ARHGEF37: variants seen among roughly 807,000 people sequenced by gnomAD.
The protein encoded by ARHGEF37 is Rho guanine nucleotide exchange factor (GEF) 37.
ARHGEF37 carries 55 observed loss-of-function variants against 71.1 expected under a neutral mutation model. That is an observed-to-expected ratio of 0.77 (90% CI 0.62 to 0.97). The LOEUF is 0.97. Among genes scored for constraint, ARHGEF37 ranks in the 50% least tolerant of loss-of-function variants. The pLI is 0.00. For missense variants in ARHGEF37, 765 were observed against 836.8 expected, an observed-to-expected ratio of 0.91 and a Z score of 1.06; for synonymous variants, 327 against 350.6, an observed-to-expected ratio of 0.93 and a Z score of 0.75.
At chr5:149,605,168 A>C (rs1160996010) in intron 3 of ARHGEF37, among the ~76,000 whole-genome samples, 1 of 150,872 alleles carries the variant, frequency 6.6e-6, no homozygotes, top group African/African-American at 2.4e-5. Context: ...TGGAGGTGGC[A>C]GTGAGCCGAG....
rs142802785 is a variant in ARHGEF37 at position 149,601,048 on chromosome 5, C to T, written c.187-60C>T. 165 of 1,571,636 alleles carry T rather than the reference C, an allele frequency of 1.0e-4. 1 individual carries two copies. In the East Asian group the frequency reaches 3.7e-3, roughly 35 times the overall value. ...GAGTGTTCTGTCCTACTCTCAAAAG[C>T]CTGCAAATACATTCTATGGAACTCC... On this transcript the variant is annotated intron_variant, in intron 2 of 12. Transcript: ENST00000333677.
chr5:149,582,268 A>G (rs2113264127), intron 1 of ARHGEF37, among the ~76,000 whole-genome samples: 1 of 152,356 alleles, frequency 6.6e-6, no homozygotes, highest in South Asian at 2.1e-4. Context: ...AAGGGTTCAC[A>G]CAAAGCCTTG....
At chr5:149,625,180 C>T (rs113246631) in intron 10 of ARHGEF37, among the ~76,000 whole-genome samples, 16,395 of 152,124 alleles carry the variant, frequency 0.11, 1,145 homozygotes, top group African/African-American at 0.19. Flanking sequence ...GTTGGAATTA[C>T]AGGCGTGAGC....
At chr5:149,582,418 A>C (rs746543287) in intron 1 of ARHGEF37, among the ~76,000 whole-genome samples, 1 of 152,192 alleles carries the variant, frequency 6.6e-6, no homozygotes, top group Non-Finnish European at 1.5e-5. Context: ...GTGCGTCCAG[A>C]CAGCCAGCTG....
In ARHGEF37 at chr5:149,624,160, C is replaced by T; in HGVS notation, c.1464+20C>T. ...ACACAAGTAAGCATCCTTCCTCCACCCCAAAGACTGTCCAGTTCTTCACTG... is the reference window on the plus strand; with the variant it reads ...ACACAAGTAAGCATCCTTCCTCCACTCCAAAGACTGTCCAGTTCTTCACTG... On this transcript the variant is annotated intron_variant, in intron 10 of 12. Coordinates refer to ENST00000333677, the MANE Select transcript of ARHGEF37 (RefSeq NM_001001669.3). 1.3e-6 allele frequency: 2 copies of T among 1,594,174 alleles called. No homozygotes were observed. The highest frequency in any genetic ancestry group is 1.7e-6 in the Non-Finnish European group (2 of 1,164,176).
chr5:149,591,271 A>G (rs1178354633), intron 1 of ARHGEF37, among the ~76,000 whole-genome samples: 1 of 151,696 alleles, frequency 6.6e-6, no homozygotes, highest in Non-Finnish European at 1.5e-5. Context: ...ATACTTCTGC[A>G]GCAAGCTATT....
At chr5:149,557,415 G>T (rs1762769879) in intron 1 of ARHGEF37, among the ~76,000 whole-genome samples, 1 of 152,214 alleles carries the variant, frequency 6.6e-6, no homozygotes, top group Non-Finnish European at 1.5e-5. Context: ...TCCTGGAACT[G>T]CAGTTAAGCC....
intron 1 of ARHGEF37, among the ~76,000 whole-genome samples, chr5:149,586,404 A>G (rs1353147091): frequency 6.6e-6 from 1 of 152,168 alleles, no homozygotes; most frequent in Non-Finnish European, 1.5e-5. Flanking sequence ...GACTACAGGC[A>G]TGCACCACCA....
chr5:149,578,867 G>GA (rs1174611411), upstream of ARHGEF37, among the ~76,000 whole-genome samples: 7 of 152,262 alleles, frequency 4.6e-5, no homozygotes, highest in East Asian at 1.2e-3. Flanking sequence ...TCAACAAGTA[G>GA]ATTGCCGCTC....
chr5:149,626,700 G>A (rs1752694702), intron 10 of ARHGEF37, among the ~76,000 whole-genome samples: 1 of 152,200 alleles, frequency 6.6e-6, no homozygotes, highest in South Asian at 2.1e-4. Flanking sequence ...ATAAGGTCTG[G>A]TGCCCACATG....
At chr5:149,590,934 C>T (rs6859243) in intron 1 of ARHGEF37, among the ~76,000 whole-genome samples, 1 of 152,124 alleles carries the variant, frequency 6.6e-6, no homozygotes, top group East Asian at 1.9e-4. Context: ...TAATAAAATA[C>T]AATAGAACAA....
chr5:149,610,863 A>G (rs1301063708), intron 4 of ARHGEF37, among the ~76,000 whole-genome samples: 1 of 152,248 alleles, frequency 6.6e-6, no homozygotes, highest in African/African-American at 2.4e-5. Context: ...CTAGATAACA[A>G]ATCACCCCCA....
chr5:149,627,313 A>C, intron 11 of ARHGEF37, 42 bp downstream of exon 11: 1 of 1,589,106 alleles, frequency 6.3e-7, no homozygotes. Context: ...TTCGGGGAAA[A>C]CCACCCCACA....
chr5:149,613,507 C>T (rs10061018), intron 4 of ARHGEF37, among the ~76,000 whole-genome samples: 21,009 of 151,716 alleles, frequency 0.14, 1,687 homozygotes, highest in East Asian at 0.31. Context: ...CCACCACGCC[C>T]GGCTAATTTT....
intron 2 of ARHGEF37, among the ~76,000 whole-genome samples, chr5:149,598,372 C>CT: frequency 9.9e-6 from 1 of 100,914 alleles, no homozygotes; most frequent in Admixed American, 1.3e-4. Flanking sequence ...CCTCTTCTTC[C>CT]TCTTCCTCTT....
At chr5:149,575,534 A>G (rs1763016678) in intron 1 of ARHGEF37, among the ~76,000 whole-genome samples, 4 of 152,184 alleles carry the variant, frequency 2.6e-5, no homozygotes, top group African/African-American at 7.2e-5. Context: ...GCAATGAGAC[A>G]TGAGGAAGGG....
At chr5:149,599,778 A>G (rs1763700016) in intron 2 of ARHGEF37, among the ~76,000 whole-genome samples, 1 of 152,202 alleles carries the variant, frequency 6.6e-6, no homozygotes, top group Non-Finnish European at 1.5e-5. Context: ...TATTTTGTTA[A>G]GTTGATTATA....
intron 3 of ARHGEF37, among the ~76,000 whole-genome samples, chr5:149,606,348 A>G (rs1763913295): frequency 6.6e-6 from 1 of 152,090 alleles, no homozygotes. Context: ...CATCAGCTGA[A>G]CCAACACCGG....
chr5:149,624,058 A>G lies in ARHGEF37; in HGVS notation c.1382A>G (p.Glu461Gly), dbSNP rs1304898569. ...VPEPAFRKLVEDALGRTSNQL... is the reference protein window; with the variant it reads ...VPEPAFRKLVGDALGRTSNQL... ...GAGCCTGCCTTCAGGAAGCTGGTGG[A>G]GGACGCACTGGGCCGGACGAGTAAC... The change falls in exon 10 of 13, where the codon GAG (glutamate) becomes GGG (glycine). Residue 461 changes from glutamate to glycine, a missense_variant. By Grantham distance (98) the Glu-to-Gly change is moderately conservative. Transcript: ENST00000333677. The G allele has an allele frequency of 6.2e-7, 1 of 1,609,834 alleles. No individual in the cohort carries two copies. The highest frequency in any genetic ancestry group is 8.5e-7 in the Non-Finnish European group (1 of 1,176,418).
Sources: gnomAD v4.1 joint callset for allele counts (sites outside exome capture counted in the v4.1 genomes callset) on GRCh38, gnomAD v4.1.1 for gene constraint, MANE v1.5 for transcripts, NCBI Gene and HGNC (gene_info 2026-07-23, HGNC 2026-07-21) for gene names.